Variants in C1QTNF3 observed in about 807,000 individuals in gnomAD.
The protein encoded by C1QTNF3 is C1q and TNF related 3.
C1QTNF3 carries 26 observed loss-of-function variants against 32.6 expected under a neutral mutation model. The observed-to-expected ratio is 0.80, with a 90% confidence interval of 0.58 to 1.11. The LOEUF is 1.11. C1QTNF3 is among the 50% of genes least tolerant of loss of function. C1QTNF3 has a pLI of 0.00. For missense variants in C1QTNF3, 362 were observed against 398.2 expected (o/e 0.91, Z 0.77); for synonymous variants, 155 against 146.0 (o/e 1.06, Z -0.44).
chr5:34,217,439 A>G, the C1QTNF3 span, among the ~76,000 whole-genome samples: 41 of 152,110 alleles, frequency 2.7e-4, no homozygotes, highest in African/African-American at 9.9e-4. Context: ...ATACACTTAC[A>G]TTCCTCTTTT....
At chr5:34,163,415 T>C in the C1QTNF3 span, among the ~76,000 whole-genome samples, 1 of 151,964 alleles carries the variant, frequency 6.6e-6, no homozygotes, top group Non-Finnish European at 1.5e-5. Flanking sequence ...GATGCTACTA[T>C]AGTTTTGCCT....
the C1QTNF3 span, among the ~76,000 whole-genome samples, chr5:34,060,919 C>A: frequency 2.0e-5 from 3 of 152,130 alleles, no homozygotes; most frequent in Admixed American, 1.3e-4. Flanking sequence ...AACAGTCCCC[C>A]AAAGTCTTAA....
At chr5:34,236,817 C>G in the C1QTNF3 span, among the ~76,000 whole-genome samples, 1 of 151,788 alleles carries the variant, frequency 6.6e-6, no homozygotes, top group Admixed American at 6.6e-5. Context: ...CTCAGGTGAT[C>G]CGCCCACCTT....
chr5:34,027,144 C>T (rs761619433), intron 4 of C1QTNF3, among the ~76,000 whole-genome samples: 4 of 152,142 alleles, frequency 2.6e-5, no homozygotes, highest in Non-Finnish European at 4.4e-5. Flanking sequence ...CATAACTCTC[C>T]TATAAGTCTA....
the C1QTNF3 span, among the ~76,000 whole-genome samples, chr5:34,212,732 A>T: frequency 6.7e-6 from 1 of 149,356 alleles, no homozygotes; most frequent in East Asian, 2.0e-4. Flanking sequence ...TTAGAATGGC[A>T]ATCATTAAAA....
chr5:34,095,724 T>C, the C1QTNF3 span, among the ~76,000 whole-genome samples: 2 of 152,026 alleles, frequency 1.3e-5, no homozygotes, highest in Non-Finnish European at 2.9e-5. Flanking sequence ...TGGATAGAAC[T>C]TGCAAGTTCT....
At chr5:34,112,051 A>G in the C1QTNF3 span, among the ~76,000 whole-genome samples, 1 of 152,156 alleles carries the variant, frequency 6.6e-6, no homozygotes, top group African/African-American at 2.4e-5. Context: ...TGCCATAGAG[A>G]TGTGTCACAC....
At chr5:34,075,903 GTA>G in the C1QTNF3 span, among the ~76,000 whole-genome samples, 1 of 130,634 alleles carries the variant, frequency 7.7e-6, no homozygotes, top group Non-Finnish European at 1.7e-5. Context: ...GTGTGTGTGT[GTA>G]TACACACACA....
intron 1 of C1QTNF3, among the ~76,000 whole-genome samples, chr5:34,037,783 G>C (rs958835885): frequency 2.6e-5 from 4 of 152,176 alleles, no homozygotes; most frequent in African/African-American, 4.8e-5. Flanking sequence ...TTATCTGAGG[G>C]ATTTCAGGAC....
At chr5:34,153,853 T>TAAA in the C1QTNF3 span, among the ~76,000 whole-genome samples, 7 of 32,812 alleles carry the variant, frequency 2.1e-4, no homozygotes, top group African/African-American at 6.5e-4. Flanking sequence ...ACTTAGAGTA[T>TAAA]AAAAAAAAAA....
At chr5:34,107,342 C>T in the C1QTNF3 span, among the ~76,000 whole-genome samples, 3 of 147,504 alleles carry the variant, frequency 2.0e-5, no homozygotes, top group Non-Finnish European at 3.0e-5. Flanking sequence ...TTGACTTCTA[C>T]CTCTTATGAT....
the C1QTNF3 span, among the ~76,000 whole-genome samples, chr5:34,075,206 A>G: frequency 6.6e-6 from 1 of 151,752 alleles, no homozygotes; most frequent in Non-Finnish European, 1.5e-5. Context: ...CATGGATGAA[A>G]AAATACTCAT....
chr5:34,228,876 G>A, the C1QTNF3 span, among the ~76,000 whole-genome samples: 2 of 150,546 alleles, frequency 1.3e-5, no homozygotes, highest in East Asian at 2.0e-4. Context: ...CCGGAAGCTG[G>A]CCGTAATTTG....
the C1QTNF3 span, among the ~76,000 whole-genome samples, chr5:34,076,525 T>C: frequency 1.3e-5 from 2 of 151,572 alleles, no homozygotes; most frequent in Admixed American, 1.3e-4. Flanking sequence ...ATCTCAGTTA[T>C]ATAGAAAACT....
At chr5:34,224,845 T>C in the C1QTNF3 span, among the ~76,000 whole-genome samples, 1 of 152,006 alleles carries the variant, frequency 6.6e-6, no homozygotes, top group African/African-American at 2.4e-5. Context: ...CAAAAGAAAC[T>C]ACCATCAGAG....
At chr5:34,055,715 G>C in the C1QTNF3 span, among the ~76,000 whole-genome samples, 1 of 152,176 alleles carries the variant, frequency 6.6e-6, no homozygotes, top group African/African-American at 2.4e-5. Context: ...ATAGGTGCTG[G>C]GTGACCCACA....
At chr5:34,220,555 A>G in the C1QTNF3 span, among the ~76,000 whole-genome samples, 3 of 152,046 alleles carry the variant, frequency 2.0e-5, 1 homozygote, top group African/African-American at 7.2e-5. Context: ...ACACGACTGC[A>G]TTGAAATACT....
chr5:34,049,579 G>C, the C1QTNF3 span, among the ~76,000 whole-genome samples: 1 of 152,192 alleles, frequency 6.6e-6, no homozygotes, highest in Non-Finnish European at 1.5e-5. Context: ...TTTACACAAT[G>C]AAGGCAAGAC....
At chr5:34,182,518 T>C in the C1QTNF3 span, among the ~76,000 whole-genome samples, 1 of 130,220 alleles carries the variant, frequency 7.7e-6, no homozygotes, top group African/African-American at 3.5e-5. Context: ...AATAAATAAA[T>C]AAAAAATCTG....
Sources: gnomAD v4.1 joint callset for allele counts (sites outside exome capture counted in the v4.1 genomes callset) on GRCh38, gnomAD v4.1.1 for gene constraint, MANE v1.5 for transcripts, NCBI Gene and HGNC (gene_info 2026-07-23, HGNC 2026-07-21) for gene names.